Variants in TYW1B observed in about 807,000 individuals in gnomAD.
TYW1B encodes the protein S-adenosyl-L-methionine-dependent tRNA 4-demethylwyosine synthase TYW1B.
TYW1B carries 73 observed loss-of-function variants against 86.9 expected under a neutral mutation model. The observed-to-expected ratio is 0.84, with a 90% CI of 0.70 to 1.02. The LOEUF is 1.02. Among genes scored for constraint, TYW1B ranks in the 50% least tolerant of loss-of-function variants. The probability of loss-of-function intolerance (pLI) is 0.00; values close to 1 mark genes in which losing one functional copy is unlikely to be tolerated. For synonymous variants in TYW1B, 248 were observed against 292.8 expected, an observed-to-expected ratio of 0.85 and a Z score of 1.56; for missense variants, 637 against 827.4, an observed-to-expected ratio of 0.77 and a Z score of 2.82.
intron 7 of TYW1B, chr7:72,769,120 G>A (rs1787824250): frequency 1.2e-5 from 5 of 417,980 alleles, no homozygotes; most frequent in South Asian, 1.1e-4. Context: ...CATGGTAAGC[G>A]AGGATGCTTT....
chr7:72,811,097 C>T (rs1306451601), intron 3 of TYW1B, among the ~76,000 whole-genome samples: 57 of 151,774 alleles, frequency 3.8e-4, no homozygotes, highest in South Asian at 1.3e-3. Flanking sequence ...CGGTGAAACC[C>T]GGTCTTTACT....
At chr7:72,628,433 A>T (rs1376702213) in intron 12 of TYW1B, among the ~76,000 whole-genome samples, 1 of 152,188 alleles carries the variant, frequency 6.6e-6, no homozygotes, top group Non-Finnish European at 1.5e-5. Flanking sequence ...AAATGGGTAA[A>T]GGTATAATTG....
intron 5 of TYW1B, among the ~76,000 whole-genome samples, chr7:72,803,363 C>T (rs1788438797): frequency 6.6e-6 from 1 of 151,998 alleles, no homozygotes; most frequent in Non-Finnish European, 1.5e-5. Context: ...GAGACACATG[C>T]CAAGCAGAAG....
intron 6 of TYW1B, among the ~76,000 whole-genome samples, chr7:72,795,510 C>T (rs3844316): frequency 1.5e-4 from 23 of 150,256 alleles, no homozygotes; most frequent in African/African-American, 4.4e-4. Context: ...TTTTTTGACG[C>T]GAAACTACAG....
chr7:72,754,904 A>G (rs551885089), intron 7 of TYW1B, among the ~76,000 whole-genome samples: 3 of 152,328 alleles, frequency 2.0e-5, no homozygotes, highest in African/African-American at 7.2e-5. Context: ...TAGTTTGGGC[A>G]AAACACAAAT....
chr7:72,827,341 G>A (rs1554481625), intron 1 of TYW1B, among the ~76,000 whole-genome samples: 1 of 152,220 alleles, frequency 6.6e-6, no homozygotes, highest in Admixed American at 6.5e-5. Context: ...CTGGGAGGCA[G>A]AGGTTGCAGT....
At chr7:72,589,578 A>T (rs2129567787) in intron 13 of TYW1B, among the ~76,000 whole-genome samples, 1 of 152,330 alleles carries the variant, frequency 6.6e-6, no homozygotes, top group South Asian at 2.1e-4. Flanking sequence ...GTATGAGGAC[A>T]CATCTAAACA....
At chr7:72,736,194 T>C (rs371423661) in intron 8 of TYW1B, among the ~76,000 whole-genome samples, 48 of 152,210 alleles carry the variant, frequency 3.2e-4, no homozygotes, top group Non-Finnish European at 6.3e-4. Context: ...TTTGTCCCAA[T>C]TGGCTAGCAA....
At chr7:72,599,122 C>G (rs1400199571) in intron 13 of TYW1B, among the ~76,000 whole-genome samples, 4 of 152,126 alleles carry the variant, frequency 2.6e-5, no homozygotes, top group African/African-American at 9.7e-5. Context: ...GCCATAAACA[C>G]AGATGTAAAA....
At position 72,634,347 on chromosome 7, in the gene TYW1B, T is replaced by C. The variant is rs570823061; in HGVS notation, c.1507-5350A>G. ...GCACATGCTGCCACTCCTAGCTTTT[T>C]TTTTTTTTCTTTTTTTTTTTCTGTA... On this transcript the variant is annotated intron_variant, in intron 11 of 13. Transcript: ENST00000620995. 5.3e-4 allele frequency among the ~76,000 whole-genome samples: 78 copies of C among 146,734 alleles called. No individual in the cohort carries two copies. In the Middle Eastern group the frequency reaches 0.021, roughly 39 times the overall value.
At chr7:72,729,272 C>A (rs1193385337) in intron 8 of TYW1B, among the ~76,000 whole-genome samples, 1 of 152,162 alleles carries the variant, frequency 6.6e-6, no homozygotes, top group Non-Finnish European at 1.5e-5. Flanking sequence ...CTGTCATCTA[C>A]GTCGACACTT....
At chr7:72,596,176 T>C (rs1554432539) in intron 13 of TYW1B, among the ~76,000 whole-genome samples, 1 of 83,504 alleles carries the variant, frequency 1.2e-5, no homozygotes, top group African/African-American at 5.7e-5. Flanking sequence ...AAAAACTCTG[T>C]CTCAAAAAAA....
At chr7:72,775,787 C>A (rs1234038645) in intron 7 of TYW1B, among the ~76,000 whole-genome samples, 1 of 149,930 alleles carries the variant, frequency 6.7e-6, no homozygotes, top group Non-Finnish European at 1.5e-5. Context: ...GGATACCAGA[C>A]GGAACACAGA....
intron 13 of TYW1B, among the ~76,000 whole-genome samples, chr7:72,611,828 C>T (rs1811940367): frequency 6.6e-6 from 1 of 152,170 alleles, no homozygotes; most frequent in African/African-American, 2.4e-5. Context: ...ACACTTGGTG[C>T]CATGTCTGCT....
chr7:72,740,792 G>A (rs1382992695), intron 8 of TYW1B, among the ~76,000 whole-genome samples: 5 of 148,996 alleles, frequency 3.4e-5, no homozygotes, highest in South Asian at 2.1e-4. Flanking sequence ...GTGCAGTGGC[G>A]TGATCTCGGC....
chr7:72,682,655 G>A (rs868991526), intron 11 of TYW1B, among the ~76,000 whole-genome samples: 5 of 152,134 alleles, frequency 3.3e-5, no homozygotes, highest in African/African-American at 1.2e-4. Context: ...GTAAAAAGCT[G>A]AACAAATTGA....
intron 3 of TYW1B, 53 bp from the exon 4 acceptor site, chr7:72,810,718 A>G: frequency 6.6e-7 from 1 of 1,525,778 alleles, no homozygotes; most frequent in Non-Finnish European, 8.8e-7. Flanking sequence ...AAATTATCTC[A>G]ACGAAGAAAA....
chr7:72,732,357 C>A (rs191626218), intron 8 of TYW1B, among the ~76,000 whole-genome samples: 1 of 152,248 alleles, frequency 6.6e-6, no homozygotes, highest in Admixed American at 6.5e-5. Flanking sequence ...ATAAAATATT[C>A]TCCAGGGCAG....
chr7:72,622,650 C>T (rs1812248037), intron 12 of TYW1B, among the ~76,000 whole-genome samples: 1 of 151,954 alleles, frequency 6.6e-6, no homozygotes, highest in African/African-American at 2.4e-5. Flanking sequence ...CATACAGACA[C>T]ATACCACACA....
Sources: allele counts gnomAD v4.1 joint callset (sites outside exome capture counted in the v4.1 genomes callset), GRCh38; gene constraint gnomAD v4.1.1; transcripts MANE v1.5; gene names NCBI Gene and HGNC (gene_info 2026-07-23, HGNC 2026-07-21).